The following MAPK4 variants were observed in gnomAD, a reference collection of about 807,000 sequenced individuals.
MAPK4 encodes Erk3-related.
A neutral mutation model predicts 47.7 loss-of-function variants in MAPK4; 22 were observed. That is an observed-to-expected ratio of 0.46 (90% CI 0.33 to 0.66). The LOEUF is 0.66. MAPK4 is among the 30% of genes least tolerant of loss of function. The probability of loss-of-function intolerance (pLI) is 0.02; values close to 1 mark genes in which losing one functional copy is unlikely to be tolerated. For missense variants in MAPK4, 736 were observed against 831.7 expected (o/e 0.88, Z 1.42); for synonymous variants, 390 against 365.7 (o/e 1.07, Z -0.76).
chr18:50,658,186 G>C (rs1480485273), intron 1 of MAPK4, among the ~76,000 whole-genome samples: 1 of 152,112 alleles, frequency 6.6e-6, no homozygotes, highest in Non-Finnish European at 1.5e-5. Context: ...GGCTTACTGT[G>C]GCCTCCATAC....
chr18:50,714,090 A>C (rs1322098781), intron 2 of MAPK4, among the ~76,000 whole-genome samples: 2 of 152,338 alleles, frequency 1.3e-5, no homozygotes, highest in East Asian at 3.9e-4. Context: ...ATACTTCTGC[A>C]TCAGTAGAAA....
In MAPK4 at chr18:50,721,990, C is replaced by T. The variant is rs1428887379; in HGVS notation, c.744C>T (p.Ile248=). Residue 248 remains isoleucine, a synonymous_variant, in exon 4 of 6, where the codon ATC becomes ATT. Coordinates refer to ENST00000400384, the MANE Select transcript of MAPK4 (RefSeq NM_002747.4). ...TCATCCTGGAGACCATCCCTGTAAT[C>T]CGGGAGGAAGACAAGGACGAGCTGC... ...MQLILETIPV[I]REEDKDELLR... The T allele has an allele frequency of 3.7e-6, 6 of 1,614,010 alleles. No individual in the cohort carries two copies. The African/African-American group carries it at 6.7e-5, about 18-fold the overall frequency.
intron 1 of MAPK4, among the ~76,000 whole-genome samples, chr18:50,649,233 C>T (rs2043023043): frequency 1.3e-5 from 2 of 152,150 alleles, no homozygotes; most frequent in Non-Finnish European, 2.9e-5. Flanking sequence ...CTTGAGGTGT[C>T]CTCAGACTCT....
chr18:50,679,092 A>T (rs1908436983), intron 2 of MAPK4, among the ~76,000 whole-genome samples: 1 of 152,152 alleles, frequency 6.6e-6, no homozygotes, highest in Non-Finnish European at 1.5e-5. Context: ...TTATTATGGA[A>T]TTGGAGTCTG....
At chr18:50,612,239 G>A (rs2042643849) in intron 1 of MAPK4, among the ~76,000 whole-genome samples, 1 of 152,186 alleles carries the variant, frequency 6.6e-6, no homozygotes, top group South Asian at 2.1e-4. Flanking sequence ...CTGGATACAA[G>A]TTCAGAGAAG....
Position 50,663,769 on chromosome 18 carries a change from C to G in MAPK4, c.-190C>G. ...CAGCCTGCGCCCCCAACTAGCACAGCTCAGCGAGCATGACCATATGCCATT... is the reference window on the plus strand; with the variant it reads ...CAGCCTGCGCCCCCAACTAGCACAGGTCAGCGAGCATGACCATATGCCATT... On this transcript the variant is annotated 5_prime_UTR_variant, in exon 2 of 6. Coordinates refer to ENST00000400384, the MANE Select transcript of MAPK4 (RefSeq NM_002747.4). 1 of 566,030 alleles carries G rather than the reference C, an allele frequency of 1.8e-6. No individual in the cohort carries two copies. The highest frequency in any genetic ancestry group is 3.1e-6 in the Non-Finnish European group (1 of 319,944). 35.1% of individuals were successfully genotyped at this position (566,030 alleles called of 1,614,324 possible). A position where few individuals can be genotyped will look rare whatever the true frequency, so the allele number is the denominator to read the frequency against.
chr18:50,688,618 A>T (rs1300742148), intron 2 of MAPK4, among the ~76,000 whole-genome samples: 3 of 152,200 alleles, frequency 2.0e-5, no homozygotes, highest in African/African-American at 4.8e-5. Flanking sequence ...CTATTATTCT[A>T]AGTGAAGTAA....
chr18:50,663,889 G>C lies in MAPK4; in HGVS notation c.-70G>C. The C allele has an allele frequency of 7.2e-7, 1 of 1,396,810 alleles. No homozygotes were observed. Among genetic ancestry groups the C allele is most frequent in the Non-Finnish European group, 9.8e-7 (1 of 1,015,764 alleles). 86.5% of individuals were successfully genotyped at this position (1,396,810 alleles called of 1,614,324 possible). On this transcript the variant is annotated 5_prime_UTR_variant, in exon 2 of 6. Coordinates refer to ENST00000400384, the MANE Select transcript of MAPK4 (RefSeq NM_002747.4). ...CAGAATGAGGTGCGCGAGGGAGGCC[G>C]CTAGCCGAGACTTGGCCTTTCCTGA... is the stretch of plus-strand genomic sequence containing the variant.
intron 1 of MAPK4, among the ~76,000 whole-genome samples, chr18:50,605,453 C>T (rs2042574602): frequency 6.6e-6 from 1 of 152,152 alleles, no homozygotes; most frequent in Non-Finnish European, 1.5e-5. Flanking sequence ...GAGGTGGGTC[C>T]TCTGCTCTAG....
Position 50,664,667 on chromosome 18 carries a change from G to A in MAPK4, c.546+163G>A, listed in dbSNP as rs1414988254. ...AAGATCACTAGCCTGAAAAGTTGTT[G>A]GAGGCGTGGAGGGAGATCTGGTTCT... On this transcript the variant is annotated intron_variant, in intron 2 of 5. Transcript: ENST00000400384. The surrounding 1 kb of genome is among the most constrained non-coding windows in gnomAD (Gnocchi z 6.0). Among the ~76,000 whole-genome samples, 1 of 152,188 alleles carries A rather than the reference G, an allele frequency of 6.6e-6. No homozygotes were observed. Among genetic ancestry groups the A allele is most frequent in the African/African-American group, 2.4e-5 (1 of 41,444 alleles).
intron 1 of MAPK4, among the ~76,000 whole-genome samples, chr18:50,641,249 A>C (rs2042938597): frequency 6.6e-6 from 1 of 152,150 alleles, no homozygotes; most frequent in African/African-American, 2.4e-5. Context: ...GTTGGTTCTA[A>C]TCTCAGCCTG....
chr18:50,681,258 A>T (rs978375330), intron 2 of MAPK4, among the ~76,000 whole-genome samples: 9 of 152,268 alleles, frequency 5.9e-5, no homozygotes, highest in African/African-American at 1.9e-4. Flanking sequence ...TTGGGTTTTT[A>T]AAATTATTGA....
At chr18:50,562,418 T>TAA (rs35910187) in intron 1 of MAPK4, among the ~76,000 whole-genome samples, 2 of 137,814 alleles carry the variant, frequency 1.5e-5, no homozygotes, top group African/African-American at 5.3e-5. Context: ...TTTTGGCCAA[T>TAA]AAAAAAAAAA....
intron 2 of MAPK4, chr18:50,669,487 T>TG: frequency 6.6e-6 from 1 of 152,390 alleles, no homozygotes; most frequent in Non-Finnish European, 1.5e-5. Flanking sequence ...CTGGGGCTGC[T>TG]GGGGGGACCA....
intron 1 of MAPK4, among the ~76,000 whole-genome samples, chr18:50,621,426 A>G (rs1247162075): frequency 6.6e-6 from 1 of 152,204 alleles, no homozygotes; most frequent in Non-Finnish European, 1.5e-5. Context: ...CCTTAAATAC[A>G]AGGGAGAAAA....
intron 1 of MAPK4, among the ~76,000 whole-genome samples, chr18:50,567,120 T>C (rs1295003219): frequency 6.6e-6 from 1 of 152,122 alleles, no homozygotes; most frequent in Non-Finnish European, 1.5e-5. Context: ...CTTTAAGTTC[T>C]GGGATACATG....
intron 3 of MAPK4, among the ~76,000 whole-genome samples, chr18:50,718,424 G>C (rs1380417159): frequency 3.3e-5 from 5 of 152,126 alleles, no homozygotes; most frequent in African/African-American, 1.2e-4. Context: ...TGCCATGTTG[G>C]CCAGGCTGGT....
chr18:50,617,718 C>T (rs1159100545), intron 1 of MAPK4, among the ~76,000 whole-genome samples: 5 of 152,174 alleles, frequency 3.3e-5, no homozygotes, highest in Admixed American at 1.3e-4. Flanking sequence ...TTCTGATCCT[C>T]CCACTCATGA....
At chr18:50,652,320 T>C (rs1282911497) in intron 1 of MAPK4, among the ~76,000 whole-genome samples, 1 of 152,186 alleles carries the variant, frequency 6.6e-6, no homozygotes, top group Non-Finnish European at 1.5e-5. Context: ...AGGAATGATT[T>C]CTTGTTGCCT....
Sources: gnomAD v4.1 joint callset for allele counts (sites outside exome capture counted in the v4.1 genomes callset) on GRCh38, gnomAD v4.1.1 for gene constraint, Gnocchi (gnomAD v3.1) non-coding constraint, MANE v1.5 for transcripts, NCBI Gene and HGNC (gene_info 2026-07-23, HGNC 2026-07-21) for gene names.